Variants in CD48 observed in about 807,000 individuals in gnomAD.
CD48 encodes the protein CD48 molecule.
CD48 carries 20 observed loss-of-function variants against 22.0 expected under a neutral mutation model. The ratio of observed to expected loss-of-function variants is 0.91; its 90% CI spans 0.64 to 1.32. The LOEUF is 1.32. CD48 is among the 40% of genes most tolerant of loss of function. The pLI is 0.00. For missense variants in CD48, 307 were observed against 286.5 expected, an observed-to-expected ratio of 1.07 and a Z score of -0.52; for synonymous variants, 110 against 110.1, an observed-to-expected ratio of 1.00 and a Z score of 0.01.
chr1:160,701,897 T>C (rs1262431317), intron 1 of CD48, among the ~76,000 whole-genome samples: 1 of 152,156 alleles, frequency 6.6e-6, no homozygotes, highest in Non-Finnish European at 1.5e-5. Flanking sequence ...ACTTTTTTCC[T>C]TGAATGTGTA....
At chr1:160,702,607 G>A (rs906913956) in intron 1 of CD48, among the ~76,000 whole-genome samples, 2 of 152,122 alleles carry the variant, frequency 1.3e-5, no homozygotes, top group African/African-American at 2.4e-5. Context: ...TTGTTGAACC[G>A]ACTTGGCCGC....
At chr1:160,691,229 A>G (rs1468151232) in intron 1 of CD48, among the ~76,000 whole-genome samples, 1 of 152,120 alleles carries the variant, frequency 6.6e-6, no homozygotes, top group Non-Finnish European at 1.5e-5. Context: ...GAGGAGGATT[A>G]GTATAAGAGG....
At chr1:160,698,962 G>A (rs1206046580) in intron 1 of CD48, 1 of 152,582 alleles carries the variant, frequency 6.6e-6, no homozygotes, top group Non-Finnish European at 1.5e-5. Context: ...TAGTCTGCAG[G>A]TGTACCCAAC....
intron 1 of CD48, among the ~76,000 whole-genome samples, chr1:160,707,205 A>C (rs1284629708): frequency 6.6e-6 from 1 of 152,200 alleles, no homozygotes; most frequent in Admixed American, 6.5e-5. Context: ...CAACACTGCA[A>C]TGCAATCTGA....
At position 160,679,049 on chromosome 1, in the gene CD48, A is replaced by G; in HGVS notation, c.*3T>C. ...AGTTTCGCTTGAGTTAAAAGAGCTC[A>G]TCTCAGGTAAGTAACAGGCCAAGAA... On this transcript the variant is annotated 3_prime_UTR_variant, in exon 4 of 4. Transcript: ENST00000368046. 1.2e-6 allele frequency: 2 copies of G among 1,612,412 alleles called. No homozygotes were observed. The highest frequency in any genetic ancestry group is 1.7e-6 in the Non-Finnish European group (2 of 1,178,386).
intron 1 of CD48, among the ~76,000 whole-genome samples, chr1:160,697,050 C>T (rs1411449406): frequency 1.3e-5 from 2 of 151,996 alleles, no homozygotes; most frequent in African/African-American, 4.8e-5. Flanking sequence ...CTTAATCTAG[C>T]ACTCTATACT....
At chr1:160,693,788 G>A (rs956786035) in intron 1 of CD48, among the ~76,000 whole-genome samples, 1 of 152,234 alleles carries the variant, frequency 6.6e-6, no homozygotes. Flanking sequence ...ACTAGCAAAG[G>A]GGCCAGCCTC....
intron 1 of CD48, among the ~76,000 whole-genome samples, chr1:160,700,076 C>T (rs1265353458): frequency 1.3e-5 from 2 of 152,096 alleles, no homozygotes; most frequent in African/African-American, 4.8e-5. Context: ...GCAATTAACT[C>T]CGCCTTTTGA....
chr1:160,706,755 G>A (rs1470730874), intron 1 of CD48, among the ~76,000 whole-genome samples: 1 of 152,102 alleles, frequency 6.6e-6, no homozygotes. Flanking sequence ...GATCCTGTCT[G>A]TGCCCGCCCA....
rs916044377 is a variant in CD48 at position 160,680,802 on chromosome 1, C to T, written c.652+400G>A. On this transcript the variant is annotated intron_variant, in intron 3 of 3. Coordinates refer to ENST00000368046, the MANE Select transcript of CD48 (RefSeq NM_001778.4). ...ATGACCTCGGTCCCTCTTTCCTTGG[C>T]TGACTTCGGCTGTCTAATGAAGCCC... The T allele has an allele frequency of 2.3e-5, 27 of 1,150,856 alleles. No individual in the cohort carries two copies. In the East Asian group the frequency reaches 1.1e-3, roughly 46 times the overall value. 71.3% of individuals were successfully genotyped at this position (1,150,856 alleles called of 1,614,324 possible). A position where few individuals can be genotyped will look rare whatever the true frequency, so the allele number is the denominator to read the frequency against.
intron 1 of CD48, among the ~76,000 whole-genome samples, chr1:160,690,525 A>C (rs187542995): frequency 1.3e-5 from 2 of 152,314 alleles, no homozygotes; most frequent in Non-Finnish European, 2.9e-5. Flanking sequence ...AGTGGCATTG[A>C]CATGAGTGAG....
intron 1 of CD48, among the ~76,000 whole-genome samples, chr1:160,690,386 A>G (rs778809844): frequency 6.6e-6 from 1 of 152,252 alleles, no homozygotes; most frequent in Non-Finnish European, 1.5e-5. Flanking sequence ...GCCATCAAGC[A>G]TTAGGAGTTA....
intron 2 of CD48, 33 bp downstream of exon 2, chr1:160,684,854 G>T (rs781476874): frequency 1.2e-6 from 2 of 1,614,082 alleles, no homozygotes; most frequent in Non-Finnish European, 1.7e-6. Context: ...GGCCACTGGA[G>T]TGGGGATTTG....
Position 160,684,984 on chromosome 1 carries a change from G to A in CD48, c.288C>T (p.Ile96=). Residue 96 remains isoleucine (I), a synonymous_variant, in exon 2 of 4, where the codon ATC becomes ATT. Coordinates refer to ENST00000368046, the MANE Select transcript of CD48 (RefSeq NM_001778.4). ...TGTTGTCCTCTTTCTGGACCTTAGA[G>A]ATGTACAGTGCGCCACTCTGAGGAT... ...RLDPQSGALY[I]SKVQKEDNST... is the part of the protein sequence containing the mutation. 6.2e-7 allele frequency: 1 copy of A among 1,614,168 alleles called. No individual in the cohort carries two copies. Among genetic ancestry groups the A allele is most frequent in the Non-Finnish European group, 8.5e-7 (1 of 1,180,012 alleles).
At chr1:160,686,152 A>T (rs1374152889) in intron 1 of CD48, among the ~76,000 whole-genome samples, 1 of 152,066 alleles carries the variant, frequency 6.6e-6, no homozygotes, top group Non-Finnish European at 1.5e-5. Flanking sequence ...TTAGGGTGGT[A>T]TATTTAAATT....
chr1:160,692,742 T>C (rs931328248), intron 1 of CD48, among the ~76,000 whole-genome samples: 9 of 152,152 alleles, frequency 5.9e-5, no homozygotes, highest in Admixed American at 5.9e-4. Flanking sequence ...CCAGTAACGT[T>C]AGAACCGATG....
intron 1 of CD48, among the ~76,000 whole-genome samples, chr1:160,690,249 T>A (rs923091291): frequency 2.6e-5 from 4 of 152,218 alleles, no homozygotes; most frequent in Non-Finnish European, 4.4e-5. Context: ...AGAATACAGA[T>A]GTTTTTAAAA....
At chr1:160,684,797 CGA>C (rs756349723) in intron 2 of CD48, 88 bp downstream of exon 2, 1 of 1,613,756 alleles carries the variant, frequency 6.2e-7, no homozygotes, top group Non-Finnish European at 8.5e-7. Context: ...TCCTCCTCCC[CGA>C]GAGTGCCCCA....
At chr1:160,685,940 C>A (rs1661985348) in intron 1 of CD48, among the ~76,000 whole-genome samples, 1 of 152,176 alleles carries the variant, frequency 6.6e-6, no homozygotes, top group Non-Finnish European at 1.5e-5. Flanking sequence ...TGATTGAATG[C>A]CAATAGACTG....
Sources: allele counts gnomAD v4.1 joint callset (sites outside exome capture counted in the v4.1 genomes callset), GRCh38; gene constraint gnomAD v4.1.1; transcripts MANE v1.5; gene names NCBI Gene and HGNC (gene_info 2026-07-23, HGNC 2026-07-21).